FKBP5: variants seen among roughly 807,000 people sequenced by gnomAD.
FKBP5 encodes FKBP prolyl isomerase 5.
A neutral mutation model predicts 50.5 loss-of-function variants in FKBP5; 23 were observed. The observed-to-expected ratio is 0.46, with a 90% CI of 0.33 to 0.65. The LOEUF (loss-of-function observed/expected upper bound fraction) is 0.65, where lower values mean the gene tolerates loss of function less well. FKBP5 is among the 30% of genes least tolerant of loss of function. The probability of loss-of-function intolerance (pLI) is 0.02; values close to 1 mark genes in which losing one functional copy is unlikely to be tolerated. For missense variants in FKBP5, 411 were observed against 553.1 expected, an observed-to-expected ratio of 0.74 and a Z score of 2.58; for synonymous variants, 176 against 190.6, an observed-to-expected ratio of 0.92 and a Z score of 0.63.
chr6:35,675,513 T>C (rs960078917), intron 1 of FKBP5, among the ~76,000 whole-genome samples: 3 of 152,150 alleles, frequency 2.0e-5, no homozygotes, highest in East Asian at 3.9e-4. Flanking sequence ...GAGGTTGCAG[T>C]GAGCCGAGAT....
intron 5 of FKBP5, among the ~76,000 whole-genome samples, chr6:35,602,083 G>A (rs1460766315): frequency 1.3e-5 from 2 of 152,106 alleles, no homozygotes; most frequent in African/African-American, 2.4e-5. Flanking sequence ...GAAGAGCACA[G>A]AACACCCTGT....
At chr6:35,670,104 A>C in intron 1 of FKBP5, among the ~76,000 whole-genome samples, 1 of 152,310 alleles carries the variant, frequency 6.6e-6, no homozygotes, top group Non-Finnish European at 1.5e-5. Flanking sequence ...ATAAATTATA[A>C]ATTAAAGAAA....
chr6:35,666,642 G>A (rs1200805164), intron 1 of FKBP5, among the ~76,000 whole-genome samples: 1 of 152,126 alleles, frequency 6.6e-6, no homozygotes, highest in Non-Finnish European at 1.5e-5. Flanking sequence ...TGTAATCCCA[G>A]AACTTTGGGA....
chr6:35,638,362 C>A (rs1460564481), intron 2 of FKBP5, among the ~76,000 whole-genome samples: 2 of 152,184 alleles, frequency 1.3e-5, no homozygotes, highest in East Asian at 3.8e-4. Context: ...ATAAATATCA[C>A]ATAAACACTG....
At chr6:35,698,937 A>G (rs1053395988) in intron 2 of FKBP5, among the ~76,000 whole-genome samples, 1 of 152,184 alleles carries the variant, frequency 6.6e-6, no homozygotes, top group Non-Finnish European at 1.5e-5. Flanking sequence ...ATCACCTCCC[A>G]CTAGGTCCCA....
chr6:35,645,645 T>C (rs1470186916), intron 1 of FKBP5, among the ~76,000 whole-genome samples: 1 of 152,204 alleles, frequency 6.6e-6, no homozygotes, highest in African/African-American at 2.4e-5. Context: ...GATATAGTAT[T>C]ATGGTTTTAT....
At chr6:35,720,944 C>T (rs928681495) in intron 1 of FKBP5, among the ~76,000 whole-genome samples, 4 of 152,102 alleles carry the variant, frequency 2.6e-5, no homozygotes, top group Non-Finnish European at 5.9e-5. Context: ...GAAACTGAGG[C>T]TTAAAGTGGT....
upstream of FKBP5, among the ~76,000 whole-genome samples, chr6:35,692,710 G>A (rs1766011499): frequency 1.4e-5 from 2 of 147,870 alleles, no homozygotes; most frequent in African/African-American, 2.5e-5. Flanking sequence ...AGAATTGCCT[G>A]AACCCAGACG....
chr6:35,675,528 C>T (rs1277052764), intron 1 of FKBP5, among the ~76,000 whole-genome samples: 2 of 152,184 alleles, frequency 1.3e-5, no homozygotes, highest in African/African-American at 4.8e-5. Flanking sequence ...CGAGATCACG[C>T]CACTGCACTC....
In FKBP5 at chr6:35,574,897, C is replaced by G. The variant is rs1349448798; in HGVS notation, c.*938G>C. Reference sequence around the variant, plus strand: ...CACTCCAGGTCAAAAATATTGTAAGCACAAGTCTTAAATTCTTAATAGCAA... The same window carrying G: ...CACTCCAGGTCAAAAATATTGTAAGGACAAGTCTTAAATTCTTAATAGCAA... On this transcript the variant is annotated 3_prime_UTR_variant, in exon 11 of 11. Coordinates refer to ENST00000357266, the MANE Select transcript of FKBP5 (RefSeq NM_004117.4). 2 of 152,324 alleles carry G rather than the reference C, an allele frequency of 1.3e-5. No individual in the cohort carries two copies. Among genetic ancestry groups the G allele is most frequent in the Non-Finnish European group, 2.9e-5 (2 of 68,000 alleles). 9.4% of individuals were successfully genotyped at this position (152,324 alleles called of 1,614,324 possible).
chr6:35,626,058 C>T (rs892044248), intron 3 of FKBP5, among the ~76,000 whole-genome samples: 18 of 152,034 alleles, frequency 1.2e-4, no homozygotes, highest in Non-Finnish European at 2.5e-4. Context: ...GGATTACAGG[C>T]GTGAGCCACC....
chr6:35,600,814 T>G (rs1410289321), intron 5 of FKBP5, among the ~76,000 whole-genome samples: 1 of 152,224 alleles, frequency 6.6e-6, no homozygotes, highest in East Asian at 1.9e-4. Flanking sequence ...TTCCTGCCTG[T>G]GCGTTAGTTT....
chr6:35,628,717 T>G (rs1296499462), intron 3 of FKBP5, among the ~76,000 whole-genome samples: 1 of 152,192 alleles, frequency 6.6e-6, no homozygotes, highest in Non-Finnish European at 1.5e-5. Context: ...TATTTTAGGT[T>G]TTTTTGTTTT....
At chr6:35,586,480 A>G in intron 8 of FKBP5, 1 of 988,318 alleles carries the variant, frequency 1.0e-6, no homozygotes, top group Non-Finnish European at 1.2e-6. Flanking sequence ...GTCTAAAGGA[A>G]GATGGGCCCG....
intron 5 of FKBP5, among the ~76,000 whole-genome samples, chr6:35,603,652 T>G (rs928158097): frequency 6.5e-5 from 9 of 139,522 alleles, no homozygotes; most frequent in East Asian, 2.1e-4. Context: ...TTTTTTTTTT[T>G]GTAACAACAA....
At chr6:35,693,076 TAA>T (rs35498093), upstream of FKBP5, among the ~76,000 whole-genome samples, 1 of 80,780 alleles carries the variant, frequency 1.2e-5, no homozygotes, top group South Asian at 5.6e-4. Flanking sequence ...TCTTTTCAGC[TAA>T]AAAAAAAAAA....
rs976298657 is a variant in FKBP5, at chr6:35,597,534, C to A, written c.509-130G>T. 41 of 1,081,676 alleles carry A rather than the reference C, an allele frequency of 3.8e-5. No homozygotes were observed. In the African/African-American group the frequency reaches 3.8e-4, roughly 10 times the overall value. 67.0% of individuals were successfully genotyped at this position (1,081,676 alleles called of 1,614,324 possible). On this transcript the variant is annotated intron_variant, in intron 5 of 10. Transcript: ENST00000357266. ...CTTTCTCATTTCATCAAGAGACACA[C>A]ACAGTGTGTCTTGGTGAAGCTTAGT...
chr6:35,690,093 C>T (rs1352782037), upstream of FKBP5, among the ~76,000 whole-genome samples: 5 of 152,248 alleles, frequency 3.3e-5, no homozygotes, highest in Admixed American at 2.6e-4. Context: ...CTCCTGGCTC[C>T]AAACCTGCTC....
chr6:35,587,694 G>A (rs1762646869), intron 7 of FKBP5, among the ~76,000 whole-genome samples: 1 of 152,296 alleles, frequency 6.6e-6, no homozygotes, highest in African/African-American at 2.4e-5. Flanking sequence ...TGGGAGTAAA[G>A]CTCATGCAAA....
Sources: gnomAD v4.1 joint callset for allele counts (sites outside exome capture counted in the v4.1 genomes callset) on GRCh38, gnomAD v4.1.1 for gene constraint, MANE v1.5 for transcripts, NCBI Gene and HGNC (gene_info 2026-07-23, HGNC 2026-07-21) for gene names.